NEGR1: variants seen among roughly 807,000 people sequenced by gnomAD.
NEGR1 encodes the protein neuronal growth regulator 1.
In NEGR1, 10 loss-of-function variants were observed where a neutral mutation model predicts 40.9. That is an observed-to-expected ratio of 0.24 (90% CI 0.15 to 0.42). The LOEUF is 0.42. Ranked by LOEUF, NEGR1 falls within the 10% of genes least tolerant of loss-of-function variation. The pLI, the probability that NEGR1 is intolerant of heterozygous loss-of-function variation, is 1.00. For missense variants in NEGR1, 352 were observed against 438.9 expected, an observed-to-expected ratio of 0.80 and a Z score of 1.77; for synonymous variants, 185 against 166.8, an observed-to-expected ratio of 1.11 and a Z score of -0.84.
chr1:72,130,595 C>T (rs1650209131), intron 1 of NEGR1, among the ~76,000 whole-genome samples: 1 of 152,096 alleles, frequency 6.6e-6, no homozygotes, highest in African/African-American at 2.4e-5. Flanking sequence ...CTTGCAGAAA[C>T]TCCCTCGCTA....
intron 1 of NEGR1, among the ~76,000 whole-genome samples, chr1:72,275,664 T>A (rs1656024990): frequency 6.6e-6 from 1 of 152,234 alleles, no homozygotes; most frequent in Non-Finnish European, 1.5e-5. Flanking sequence ...AAATTATCAT[T>A]TCTCCTGAAT....
At chr1:71,625,293 GACACAC>G (rs145210964) in intron 4 of NEGR1, among the ~76,000 whole-genome samples, 1 of 147,840 alleles carries the variant, frequency 6.8e-6, no homozygotes, top group African/African-American at 2.5e-5. Context: ...AATACACACA[GACACAC>G]ACACACACAC....
chr1:71,771,112 T>G (rs1328937686), intron 3 of NEGR1, among the ~76,000 whole-genome samples: 2 of 152,188 alleles, frequency 1.3e-5, no homozygotes, highest in East Asian at 3.9e-4. Context: ...CATGGAATAC[T>G]ATGCAGCCAT....
chr1:71,715,430 A>G (rs1469894253), intron 3 of NEGR1, among the ~76,000 whole-genome samples: 1 of 152,192 alleles, frequency 6.6e-6, no homozygotes, highest in Admixed American at 6.5e-5. Flanking sequence ...CTCAGAAATG[A>G]GTTTTTCTTT....
intron 1 of NEGR1, among the ~76,000 whole-genome samples, chr1:72,029,650 C>T (rs1303017263): frequency 6.6e-6 from 1 of 152,026 alleles, no homozygotes; most frequent in Admixed American, 6.6e-5. Flanking sequence ...AAGAATTATT[C>T]GAACTTTTAC....
At chr1:72,023,321 T>C (rs1557488355) in intron 1 of NEGR1, among the ~76,000 whole-genome samples, 1 of 152,160 alleles carries the variant, frequency 6.6e-6, no homozygotes, top group Admixed American at 6.5e-5. Flanking sequence ...CCAAATCCTT[T>C]ACACAAATAA....
chr1:71,452,127 AAC>A (rs1359098784), intron 6 of NEGR1, among the ~76,000 whole-genome samples: 1 of 152,112 alleles, frequency 6.6e-6, no homozygotes, highest in African/African-American at 2.4e-5. Context: ...TAAACCCCCC[AAC>A]ACACATACAC....
intron 1 of NEGR1, among the ~76,000 whole-genome samples, chr1:72,060,874 T>G (rs968656159): frequency 6.8e-6 from 1 of 147,176 alleles, no homozygotes; most frequent in African/African-American, 2.7e-5. Flanking sequence ...GGATAGGTAG[T>G]TTTTTTAGAG....
At chr1:71,690,844 A>T (rs1297887620) in intron 4 of NEGR1, among the ~76,000 whole-genome samples, 1 of 151,936 alleles carries the variant, frequency 6.6e-6, no homozygotes, top group Non-Finnish European at 1.5e-5. Flanking sequence ...TGAAGTGATG[A>T]TTGCCAACCT....
At chr1:71,585,341 A>G (rs1649268520) in intron 6 of NEGR1, among the ~76,000 whole-genome samples, 1 of 152,132 alleles carries the variant, frequency 6.6e-6, no homozygotes, top group Non-Finnish European at 1.5e-5. Flanking sequence ...CATATTATAA[A>G]TTGGTATGCT....
At chr1:72,040,567 G>A (rs1452702704) in intron 1 of NEGR1, among the ~76,000 whole-genome samples, 2 of 70,222 alleles carry the variant, frequency 2.8e-5, no homozygotes, top group Non-Finnish European at 5.1e-5. Context: ...AGCACAGTAA[G>A]AGCACTGACC....
chr1:72,121,673 G>T (rs1649810102), intron 1 of NEGR1, among the ~76,000 whole-genome samples: 1 of 151,896 alleles, frequency 6.6e-6, no homozygotes, highest in Non-Finnish European at 1.5e-5. Context: ...ATAAAAATAT[G>T]ATGAGTCTAT....
chr1:71,739,217 AC>A lies in NEGR1; in HGVS notation c.535+36954del, dbSNP rs57443410. 7.4e-4 allele frequency among the ~76,000 whole-genome samples: 104 copies of A among 141,054 alleles called. 1 individual carries two copies. Among genetic ancestry groups the A allele is most frequent in the African/African-American group, 2.9e-3 (97 of 33,676 alleles). The allele number at this position is 141,054 out of a possible 152,430, so 92.5% of individuals were successfully genotyped here. The stretch of plus-strand genomic sequence containing the variant: ...GCAGGCAGAAAAAAAAAAAAAAAAA[AC>A]AAAAAAAAAAAACGTGAAAAGACTA... On this transcript the variant is annotated intron_variant, in intron 3 of 6. Coordinates refer to ENST00000357731, the MANE Select transcript of NEGR1 (RefSeq NM_173808.3).
At chr1:71,677,990 T>G (rs1317235211) in intron 4 of NEGR1, among the ~76,000 whole-genome samples, 4 of 152,166 alleles carry the variant, frequency 2.6e-5, no homozygotes, top group African/African-American at 9.7e-5. Context: ...TGCCTCAAAA[T>G]TTGTGTCCTG....
intron 3 of NEGR1, among the ~76,000 whole-genome samples, chr1:71,727,109 G>T (rs527888472): frequency 6.6e-6 from 1 of 152,030 alleles, no homozygotes; most frequent in African/African-American, 2.4e-5. Flanking sequence ...GCTCCAATTA[G>T]GTACCATTTG....
At chr1:71,600,078 C>T (rs1483703768) in intron 5 of NEGR1, among the ~76,000 whole-genome samples, 1 of 152,180 alleles carries the variant, frequency 6.6e-6, no homozygotes, top group East Asian at 1.9e-4. Context: ...CAGAATTGAG[C>T]AACAGAAATC....
At chr1:71,487,982 G>C (rs899392382) in intron 6 of NEGR1, 1 of 151,562 alleles carries the variant, frequency 6.6e-6, no homozygotes, top group Non-Finnish European at 1.5e-5. Context: ...GTTTTTTCTT[G>C]TGCTGTAGAG....
chr1:71,746,434 A>T (rs1323093669), intron 3 of NEGR1, among the ~76,000 whole-genome samples: 2 of 152,196 alleles, frequency 1.3e-5, no homozygotes, highest in African/African-American at 2.4e-5. Context: ...TTAGTCTAAG[A>T]TTATCTGGTT....
chr1:72,020,544 A>G (rs554408271), intron 1 of NEGR1, among the ~76,000 whole-genome samples: 1 of 152,282 alleles, frequency 6.6e-6, no homozygotes, highest in Admixed American at 6.5e-5. Flanking sequence ...GCTATTTACA[A>G]GAAAAAAAAC....
Sources: allele counts gnomAD v4.1 joint callset (sites outside exome capture counted in the v4.1 genomes callset), GRCh38; gene constraint gnomAD v4.1.1; transcripts MANE v1.5; gene names NCBI Gene and HGNC (gene_info 2026-07-23, HGNC 2026-07-21).